The following SYTL3 variants were observed in gnomAD, a reference collection of about 807,000 sequenced individuals.
SYTL3 encodes the protein synaptotagmin like 3, also known as synaptotagmin-like protein 3.
In SYTL3, 88 loss-of-function variants were observed where a neutral mutation model predicts 82.1. The observed-to-expected ratio is 1.07, with a 90% CI of 0.90 to 1.28. The LOEUF (loss-of-function observed/expected upper bound fraction) is 1.28. SYTL3 is among the 50% of genes most tolerant of loss of function. The pLI, the probability that SYTL3 is intolerant of heterozygous loss-of-function variation, is 0.00. For synonymous variants in SYTL3, 311 were observed against 289.4 expected, an observed-to-expected ratio of 1.07 and a Z score of -0.76; for missense variants, 831 against 757.6, an observed-to-expected ratio of 1.10 and a Z score of -1.14.
At chr6:158,669,346 T>G (rs1470177293) in intron 5 of SYTL3, among the ~76,000 whole-genome samples, 1 of 152,256 alleles carries the variant, frequency 6.6e-6, no homozygotes, top group Admixed American at 6.5e-5. Context: ...TGTGATCTTC[T>G]TGTCATGCTT....
intron 6 of SYTL3, among the ~76,000 whole-genome samples, chr6:158,704,697 G>A (rs1056970094): frequency 2.0e-5 from 3 of 152,394 alleles, no homozygotes; most frequent in African/African-American, 2.4e-5. Flanking sequence ...TTCAGACCAC[G>A]CCATAGGGAG....
chr6:158,716,744 C>T (rs1023059875), intron 9 of SYTL3, among the ~76,000 whole-genome samples: 1 of 152,132 alleles, frequency 6.6e-6, no homozygotes, highest in Non-Finnish European at 1.5e-5. Context: ...CATGCAATAA[C>T]ATCCCAAGGA....
At chr6:158,671,608 T>C (rs1415608217) in intron 5 of SYTL3, among the ~76,000 whole-genome samples, 1 of 151,190 alleles carries the variant, frequency 6.6e-6, no homozygotes, top group Non-Finnish European at 1.5e-5. Context: ...CTACTGAAAA[T>C]ACAAAAATTA....
At chr6:158,725,717 C>CA in intron 11 of SYTL3, 80 bp downstream of exon 11, 1 of 1,520,572 alleles carries the variant, frequency 6.6e-7, no homozygotes, top group South Asian at 1.2e-5. Flanking sequence ...GTCCTTATTT[C>CA]AATTACTCCT....
At chr6:158,744,304 CTTTTTT>C (rs869182913) in intron 11 of SYTL3, among the ~76,000 whole-genome samples, 1 of 99,208 alleles carries the variant, frequency 1.0e-5, no homozygotes, top group Admixed American at 1.4e-4. Flanking sequence ...CTTTTTCTTT[CTTTTTT>C]TTTTTTTTTT....
rs7774622 is a variant in SYTL3 at position 158,707,047 on chromosome 6, A to G, written c.395-183A>G. 2.6e-3 allele frequency among the ~76,000 whole-genome samples: 392 copies of G among 152,236 alleles called. 1 individual carries two copies. The highest frequency in any genetic ancestry group is 3.5e-3 in the South Asian group (17 of 4,824). ...ATGCAATGATTTTGAGTAAATTTAC[A>G]AAGTTGTACAACCATCTCTACACTC... On this transcript the variant is annotated intron_variant, in intron 6 of 17. Transcript: ENST00000611299.
At chr6:158,658,125 C>T (rs545692280) in intron 2 of SYTL3, among the ~76,000 whole-genome samples, 280 of 152,276 alleles carry the variant, frequency 1.8e-3, no homozygotes, top group African/African-American at 6.5e-3. Context: ...ATCTCCTGAC[C>T]TCGTGATCCG....
chr6:158,684,832 G>T (rs1034383191), intron 6 of SYTL3, among the ~76,000 whole-genome samples: 8 of 147,908 alleles, frequency 5.4e-5, no homozygotes, highest in Non-Finnish European at 1.0e-4. Context: ...AAAAAACGCT[G>T]CTTCTGCCAA....
chr6:158,708,230 A>G, intron 7 of SYTL3, 92 bp from the exon 8 acceptor site: 1 of 1,174,258 alleles, frequency 8.5e-7, no homozygotes, highest in East Asian at 2.3e-5. Flanking sequence ...GAGAACTAGA[A>G]TTATAGAATA....
At chr6:158,732,717 C>T (rs921734314) in intron 11 of SYTL3, among the ~76,000 whole-genome samples, 4 of 151,830 alleles carry the variant, frequency 2.6e-5, no homozygotes, top group African/African-American at 9.7e-5. Context: ...GATGCAGTAA[C>T]GTCAGGCACT....
chr6:158,666,940 T>C (rs913045880), intron 5 of SYTL3, among the ~76,000 whole-genome samples: 1 of 152,258 alleles, frequency 6.6e-6, no homozygotes, highest in Non-Finnish European at 1.5e-5. Flanking sequence ...CATCTCATGT[T>C]TCTTTGGTTT....
intron 8 of SYTL3, among the ~76,000 whole-genome samples, chr6:158,712,698 A>C (rs865987738): frequency 2.6e-5 from 4 of 152,098 alleles, no homozygotes; most frequent in South Asian, 2.1e-4. Flanking sequence ...ATCCAAACCC[A>C]AAAATATATA....
chr6:158,745,269 G>GCCGGGCGTGGTGGCT (rs1398009516), intron 11 of SYTL3, among the ~76,000 whole-genome samples: 2 of 150,956 alleles, frequency 1.3e-5, no homozygotes, highest in African/African-American at 4.9e-5. Flanking sequence ...CTGTATCTAG[G>GCCGGGCGTGGTGGCT]CAAGAGAGGG....
Position 158,665,585 on chromosome 6 carries a change from T to A in SYTL3, c.301T>A (p.Trp101Arg). 1 of 1,574,100 alleles carries A rather than the reference T, an allele frequency of 6.4e-7. No homozygotes were observed. The highest frequency in any genetic ancestry group is 8.6e-7 in the Non-Finnish European group (1 of 1,159,838). ...AGTGTTCCTGAGGGGGACCCATGCCTGGAAGTGCACGGTGTGCTTCGAGGA... is the reference window on the plus strand; with the variant it reads ...AGTGTTCCTGAGGGGGACCCATGCCAGGAAGTGCACGGTGTGCTTCGAGGA... ...CRVFLRGTHA[W>R]KCTVCFEDRN... Residue 101 changes from tryptophan to arginine, a missense_variant, in exon 5 of 18, where the codon TGG becomes AGG. Transcript: ENST00000611299.
chr6:158,762,017 A>G, intron 15 of SYTL3, 59 bp from the exon 16 acceptor site: 1 of 1,236,578 alleles, frequency 8.1e-7, no homozygotes. Flanking sequence ...GGGTGGTGGT[A>G]CTGCATACTA....
In SYTL3 at chr6:158,685,216, C is replaced by CT. The variant is rs545473762; in HGVS notation, c.394+2243dup. Among the ~76,000 whole-genome samples, 636 of 135,658 alleles carry CT rather than the reference C, an allele frequency of 4.7e-3. 3 individuals are homozygous for CT. Among genetic ancestry groups the CT allele is most frequent in the Middle Eastern group, 0.015 (4 of 266 alleles). 89.0% of individuals were successfully genotyped at this position (135,658 alleles called of 152,430 possible). A position where few individuals can be genotyped will look rare whatever the true frequency, so the allele number is the denominator to read the frequency against. ...TGCTTTTATGTCTCTCTCTCTCTCTCTTTTTTTTTTTTTTTTAGATGGAGT... is the reference window on the plus strand; with the variant it reads ...TGCTTTTATGTCTCTCTCTCTCTCTCTTTTTTTTTTTTTTTTTAGATGGAGT... On this transcript the variant is annotated intron_variant, in intron 6 of 17. Transcript: ENST00000611299.
At chr6:158,726,035 A>G in intron 11 of SYTL3, 1 of 600,070 alleles carries the variant, frequency 1.7e-6, no homozygotes, top group Admixed American at 2.2e-5. Context: ...GTGTGTGTCC[A>G]ATCTCATGTG....
chr6:158,730,612 G>A (rs1785276914), intron 11 of SYTL3, among the ~76,000 whole-genome samples: 1 of 152,146 alleles, frequency 6.6e-6, no homozygotes. Flanking sequence ...GAATAAACCT[G>A]GACTCTCAGC....
chr6:158,705,566 G>GA (rs1196855544), intron 6 of SYTL3, among the ~76,000 whole-genome samples: 36 of 131,832 alleles, frequency 2.7e-4, no homozygotes, highest in Non-Finnish European at 9.9e-5. Context: ...TAGAGCAGCG[G>GA]GGGGGGACCT....
Sources: gnomAD v4.1 joint callset for allele counts (sites outside exome capture counted in the v4.1 genomes callset) on GRCh38, gnomAD v4.1.1 for gene constraint, MANE v1.5 for transcripts, NCBI Gene and HGNC (gene_info 2026-07-23, HGNC 2026-07-21) for gene names.